The following MED26 variants were observed in gnomAD, a reference collection of about 807,000 sequenced individuals.
MED26 encodes the protein mediator complex subunit 26.
Under a neutral mutation model 43.7 loss-of-function variants are expected in MED26, and 7 were observed. The observed-to-expected ratio is 0.16, with a 90% CI of 0.09 to 0.30. The LOEUF (loss-of-function observed/expected upper bound fraction) is 0.30, where lower values mean the gene tolerates loss of function less well. MED26 is among the 10% of genes least tolerant of loss of function. The pLI, the probability that MED26 is intolerant of heterozygous loss-of-function variation, is 1.00. For missense variants in MED26, 784 were observed against 840.6 expected (o/e 0.93, Z 0.83); for synonymous variants, 375 against 371.1 (o/e 1.01, Z -0.12).
In MED26 at chr19:16,576,740, C is replaced by T. The variant is rs150257365; in HGVS notation, c.1090G>A (p.Glu364Lys). 1.1e-5 allele frequency: 18 copies of T among 1,609,604 alleles called. No individual in the cohort carries two copies. Among genetic ancestry groups the T allele is most frequent in the Non-Finnish European group, 1.5e-5 (18 of 1,179,664 alleles). Reference sequence around the variant, plus strand: ...AAGCCTGCCCGGGACAGGAGGGGCTCGGCTGGGGACAGCCCTGCCTTGCAG... The same window carrying T: ...AAGCCTGCCCGGGACAGGAGGGGCTTGGCTGGGGACAGCCCTGCCTTGCAG... ...PGCKAGLSPA[E>K]PLLSRAGFSP... Residue 364 changes from glutamate to lysine, a missense_variant, in exon 3 of 3, where the codon GAG becomes AAG. This residue lies in a region of MED26 where 719 missense variants were observed against 730.9 expected (regional missense o/e 0.98). Coordinates refer to ENST00000263390, the MANE Select transcript of MED26 (RefSeq NM_004831.5). The surrounding 1 kb of genome is among the most constrained non-coding windows in gnomAD (Gnocchi z 6.8).
Position 16,586,425 on chromosome 19 carries a change from G to A in MED26, c.73-8016C>T, listed in dbSNP as rs2086070886. 6.6e-6 allele frequency among the ~76,000 whole-genome samples: 1 copy of A among 152,370 alleles called. No homozygotes were observed. The highest frequency in any genetic ancestry group is 2.1e-4 in the South Asian group (1 of 4,834). The stretch of plus-strand genomic sequence containing the variant: ...TGAGTAGGTGGGGTGAAGGGTACCA[G>A]GTGCCACCAGCCTGTGGTGATGTCG... On this transcript the variant is annotated intron_variant, in intron 1 of 2. Transcript: ENST00000263390. This position sits in a 1 kb window ranked among gnomAD's most constrained non-coding sequence, Gnocchi z 5.1.
chr19:16,591,212 C>T (rs1039451159), intron 1 of MED26, among the ~76,000 whole-genome samples: 1 of 152,118 alleles, frequency 6.6e-6, no homozygotes, highest in South Asian at 2.1e-4. Flanking sequence ...CCAGATGCCA[C>T]CTGGGTTTGT....
intron 1 of MED26, among the ~76,000 whole-genome samples, chr19:16,616,725 G>C (rs2086227836): frequency 6.6e-6 from 1 of 152,212 alleles, no homozygotes; most frequent in Non-Finnish European, 1.5e-5. Flanking sequence ...ACTACCTGGG[G>C]AAAGTCTTAA....
intron 1 of MED26, among the ~76,000 whole-genome samples, chr19:16,609,336 A>AAAAGAGAGAG (rs765489188): frequency 1.8e-4 from 25 of 142,368 alleles, no homozygotes; most frequent in African/African-American, 4.3e-4. Context: ...AAAAAAAAAA[A>AAAAGAGAGAG]AGAGAGAGAA....
intron 1 of MED26, among the ~76,000 whole-genome samples, chr19:16,591,953 G>A (rs2086099811): frequency 6.6e-6 from 1 of 152,170 alleles, no homozygotes; most frequent in East Asian, 1.9e-4. Context: ...GCATCACCAG[G>A]GAGCTGCTTT....
At chr19:16,622,814 CA>C (rs2086257750) in intron 1 of MED26, among the ~76,000 whole-genome samples, 1 of 152,148 alleles carries the variant, frequency 6.6e-6, no homozygotes, top group Non-Finnish European at 1.5e-5. Context: ...GGGAAGTGGC[CA>C]GGGGACCCCT....
intron 1 of MED26, among the ~76,000 whole-genome samples, chr19:16,615,548 A>C (rs79291674): frequency 6.6e-6 from 1 of 152,178 alleles, no homozygotes; most frequent in Non-Finnish European, 1.5e-5. Context: ...GGAGTTCGAG[A>C]CCAGCCTGGC....
chr19:16,626,882 T>C (rs1336905779), intron 1 of MED26, among the ~76,000 whole-genome samples: 1 of 151,626 alleles, frequency 6.6e-6, no homozygotes, highest in Non-Finnish European at 1.5e-5. Context: ...GCCAAGAAAC[T>C]CTTGGAGAAA....
intron 1 of MED26, among the ~76,000 whole-genome samples, chr19:16,583,291 C>A (rs1330391135): frequency 6.6e-6 from 1 of 152,218 alleles, no homozygotes; most frequent in Non-Finnish European, 1.5e-5. Flanking sequence ...GTTGCTTTCC[C>A]AAAGGGGCAG....
rs764589829 is a variant in MED26 at position 16,576,615 on chromosome 19, G to A, written c.1215C>T (p.Asn405=). ...CCGCCTCAGCCACCTGCCCGTCCAAGTTAACCGTATAGTCTCGAGGTCGGT... is the reference window on the plus strand; with the variant it reads ...CCGCCTCAGCCACCTGCCCGTCCAAATTAACCGTATAGTCTCGAGGTCGGT... The part of the protein sequence containing the change: ...KRYRPRDYTV[N]LDGQVAEAGV... The change falls in exon 3 of 3, where the codon AAC becomes AAT. Residue 405 remains asparagine (N), a synonymous_variant. Transcript: ENST00000263390. This position sits in a 1 kb window ranked among gnomAD's most constrained non-coding sequence, Gnocchi z 6.8. The A allele has an allele frequency of 1.2e-6, 2 of 1,614,238 alleles. No homozygotes were observed. Among genetic ancestry groups the A allele is most frequent in the South Asian group, 2.2e-5 (2 of 91,088 alleles).
rs192897593 is a variant in MED26, at chr19:16,625,348, C to T, written c.72+2524G>A. Among the ~76,000 whole-genome samples the T allele has an allele frequency of 1.6e-4, 24 of 152,340 alleles. No individual in the cohort carries two copies. The East Asian group carries it at 4.4e-3, about 28-fold the overall frequency. ...TTGTCAAGGAGATGGTTGGTAAACA[C>T]GACTTCGTCACTTCCCTAACTTTCC... On this transcript the variant is annotated intron_variant, in intron 1 of 2. Transcript: ENST00000263390.
intron 1 of MED26, among the ~76,000 whole-genome samples, chr19:16,620,734 A>T (rs1031430096): frequency 6.6e-6 from 1 of 152,236 alleles, no homozygotes; most frequent in East Asian, 1.9e-4. Context: ...GAGGCTCCCA[A>T]CTGGAGGCAG....
At chr19:16,621,141 C>T (rs766058993) in intron 1 of MED26, among the ~76,000 whole-genome samples, 3 of 152,202 alleles carry the variant, frequency 2.0e-5, no homozygotes, top group African/African-American at 4.8e-5. Context: ...ATGTGGGAAG[C>T]GGAAGACTGT....
At chr19:16,613,236 C>T (rs919393629) in intron 1 of MED26, among the ~76,000 whole-genome samples, 7 of 152,136 alleles carry the variant, frequency 4.6e-5, no homozygotes, top group African/African-American at 1.7e-4. Flanking sequence ...TCTTTCTTTC[C>T]ATCTTTCTTT....
rs531804917 is a variant in MED26 at position 16,576,243 on chromosome 19, A to C, written c.1587T>G (p.His529Gln). 1.9e-6 allele frequency: 3 copies of C among 1,611,126 alleles called. No individual in the cohort carries two copies. The African/African-American group carries it at 4.0e-5, about 22-fold the overall frequency. The change falls in exon 3 of 3, where the codon CAT (histidine) becomes CAG (glutamine). Residue 529 changes from histidine (H) to glutamine (Q), a missense_variant. Around this residue, in one of 3 missense-constraint regions of MED26, gnomAD observed 719 missense variants for 730.9 expected, o/e 0.98. Transcript: ENST00000263390. The surrounding 1 kb of genome is among the most constrained non-coding windows in gnomAD (Gnocchi z 6.8). ...ESTRQGARQL[H>Q]VLVPQSPPTD... Reference sequence around the variant, plus strand: ...TGGGCGGGCTTTGAGGCACCAGCACATGCAGCTGCCTGGCCCCTTGCCGGG... The same window carrying C: ...TGGGCGGGCTTTGAGGCACCAGCACCTGCAGCTGCCTGGCCCCTTGCCGGG...
intron 1 of MED26, 112 bp downstream of exon 1, chr19:16,627,760 G>A (rs571066525): frequency 4.4e-6 from 3 of 688,644 alleles, no homozygotes; most frequent in African/African-American, 1.9e-5. Context: ...GCCCTCGAGG[G>A]GAGGTGGGCG....
At chr19:16,612,449 T>C (rs1332736137) in intron 1 of MED26, among the ~76,000 whole-genome samples, 1 of 151,004 alleles carries the variant, frequency 6.6e-6, no homozygotes, top group Non-Finnish European at 1.5e-5. Flanking sequence ...CAGCCCCACC[T>C]AATGTTTGTG....
In MED26 at chr19:16,587,290, G is replaced by C. The variant is rs2086075653; in HGVS notation, c.73-8881C>G. On this transcript the variant is annotated intron_variant, in intron 1 of 2. Transcript: ENST00000263390. The surrounding 1 kb of genome is among the most constrained non-coding windows in gnomAD (Gnocchi z 4.9). ...GGGAGCCAAACTGCCTCTGGTGCAA[G>C]TCAGTACAAGAGGCGGCACCTGCAT... 1 of 152,250 alleles carries C rather than the reference G, an allele frequency of 6.6e-6. No homozygotes were observed. Among genetic ancestry groups the C allele is most frequent in the Non-Finnish European group, 1.5e-5 (1 of 68,092 alleles). The allele number at this position is 152,250 out of a possible 1,614,324, so 9.4% of individuals were successfully genotyped here.
At chr19:16,621,586 G>C (rs1450542413) in intron 1 of MED26, among the ~76,000 whole-genome samples, 1 of 152,038 alleles carries the variant, frequency 6.6e-6, no homozygotes, top group East Asian at 1.9e-4. Flanking sequence ...GTTCCCAGAG[G>C]GCTGCTGGTA....
Sources: allele counts gnomAD v4.1 joint callset (sites outside exome capture counted in the v4.1 genomes callset), GRCh38; gene constraint gnomAD v4.1.1; regional missense constraint gnomAD v4.1.1; non-coding constraint Gnocchi (gnomAD v3.1); transcripts MANE v1.5; gene names NCBI Gene and HGNC (gene_info 2026-07-23, HGNC 2026-07-21).